Variants in ARHGAP15 observed in about 807,000 individuals in gnomAD.
The protein encoded by ARHGAP15 is Rho GTPase activating protein 15, also known as rho GTPase-activating protein 15.
Under a neutral mutation model 63.7 loss-of-function variants are expected in ARHGAP15, and 51 were observed. The observed-to-expected ratio is 0.80, with a 90% CI of 0.64 to 1.01. The LOEUF (loss-of-function observed/expected upper bound fraction) is 1.01, where lower values mean the gene tolerates loss of function less well. Among genes scored for constraint, ARHGAP15 ranks in the 50% least tolerant of loss-of-function variants. The pLI is 0.00. For missense variants in ARHGAP15, 560 were observed against 564.6 expected, an observed-to-expected ratio of 0.99 and a Z score of 0.08; for synonymous variants, 191 against 193.8, an observed-to-expected ratio of 0.99 and a Z score of 0.12.
intron 6 of ARHGAP15, among the ~76,000 whole-genome samples, chr2:143,332,818 C>T (rs1386445993): frequency 2.0e-5 from 3 of 152,070 alleles, no homozygotes; most frequent in South Asian, 2.1e-4. Context: ...ACCCAAACTT[C>T]AGGCAATGAT....
intron 2 of ARHGAP15, among the ~76,000 whole-genome samples, chr2:143,192,300 A>C (rs1405711823): frequency 6.6e-6 from 1 of 152,232 alleles, no homozygotes; most frequent in Non-Finnish European, 1.5e-5. Flanking sequence ...CAGATCAAGT[A>C]GTCACACATA....
chr2:143,191,683 C>T (rs1466800265), intron 2 of ARHGAP15, among the ~76,000 whole-genome samples: 1 of 152,144 alleles, frequency 6.6e-6, no homozygotes, highest in African/African-American at 2.4e-5. Context: ...TAAATCATAC[C>T]ACAGCAATCA....
intron 7 of ARHGAP15, among the ~76,000 whole-genome samples, chr2:143,436,506 C>A (rs921124306): frequency 6.6e-6 from 1 of 152,130 alleles, no homozygotes; most frequent in Non-Finnish European, 1.5e-5. Flanking sequence ...CACATACATA[C>A]ATACACACAG....
intron 11 of ARHGAP15, among the ~76,000 whole-genome samples, chr2:143,576,782 A>G (rs577685629): frequency 8.5e-5 from 13 of 152,206 alleles, no homozygotes; most frequent in African/African-American, 2.9e-4. Context: ...TTTTTCACCC[A>G]CTGACTAAAT....
At chr2:143,143,197 T>G (rs1472692209) in intron 1 of ARHGAP15, among the ~76,000 whole-genome samples, 1 of 152,046 alleles carries the variant, frequency 6.6e-6, no homozygotes, top group East Asian at 1.9e-4. Flanking sequence ...TAAACTTGTT[T>G]AAGTGGAGTA....
intron 2 of ARHGAP15, among the ~76,000 whole-genome samples, chr2:143,186,396 A>C (rs1691450107): frequency 6.6e-6 from 1 of 152,118 alleles, no homozygotes; most frequent in Non-Finnish European, 1.5e-5. Flanking sequence ...GGGGGAAAAG[A>C]GTTAGTATTA....
intron 13 of ARHGAP15, among the ~76,000 whole-genome samples, chr2:143,750,152 GT>G (rs1686315961): frequency 6.6e-6 from 1 of 152,200 alleles, no homozygotes; most frequent in South Asian, 2.1e-4. Context: ...AAAAATTAAT[GT>G]TTCTGGCTGG....
At chr2:143,730,532 A>G (rs1411045267) in intron 13 of ARHGAP15, among the ~76,000 whole-genome samples, 1 of 152,174 alleles carries the variant, frequency 6.6e-6, no homozygotes, top group Non-Finnish European at 1.5e-5. Context: ...GTGTCTTCTG[A>G]AAATGAGTGA....
chr2:143,410,764 G>A (rs1688406834), intron 6 of ARHGAP15, among the ~76,000 whole-genome samples: 1 of 150,240 alleles, frequency 6.7e-6, no homozygotes, highest in African/African-American at 2.4e-5. Context: ...GGTGGCCAGA[G>A]AAGGCCTCAG....
chr2:143,403,242 G>T (rs1034740750), intron 6 of ARHGAP15, among the ~76,000 whole-genome samples: 17 of 151,322 alleles, frequency 1.1e-4, no homozygotes, highest in Admixed American at 2.0e-4. Context: ...AAGACCGTTT[G>T]ATTTCTAGTC....
chr2:143,302,948 G>C (rs1416952138), intron 6 of ARHGAP15, among the ~76,000 whole-genome samples: 1 of 151,992 alleles, frequency 6.6e-6, no homozygotes, highest in Non-Finnish European at 1.5e-5. Context: ...ACATTCACAG[G>C]CTACTAGAAT....
intron 6 of ARHGAP15, among the ~76,000 whole-genome samples, chr2:143,276,997 T>G (rs1034211906): frequency 6.6e-5 from 10 of 152,138 alleles, no homozygotes; most frequent in South Asian, 2.1e-4. Flanking sequence ...CACCACACCA[T>G]CTTATCATCT....
chr2:143,581,284 C>T (rs1696892970), intron 11 of ARHGAP15, among the ~76,000 whole-genome samples: 1 of 152,050 alleles, frequency 6.6e-6, no homozygotes, highest in South Asian at 2.1e-4. Context: ...GAACTGGGCT[C>T]ATTGTGGCAA....
chr2:143,164,566 T>C (rs1690425942), intron 2 of ARHGAP15, among the ~76,000 whole-genome samples: 1 of 151,998 alleles, frequency 6.6e-6, no homozygotes, highest in South Asian at 2.1e-4. Context: ...GTCAAGCAGA[T>C]TTATGGATGT....
chr2:143,317,254 G>T (rs1320998193), intron 6 of ARHGAP15, among the ~76,000 whole-genome samples: 1 of 152,166 alleles, frequency 6.6e-6, no homozygotes, highest in Admixed American at 6.5e-5. Flanking sequence ...AATAATTTAT[G>T]AGTGAATGTT....
At position 143,722,073 on chromosome 2, in the gene ARHGAP15, A is replaced by T. The variant is rs1236408421; in HGVS notation, c.1244+18549A>T. Among the ~76,000 whole-genome samples, 8 of 152,124 alleles carry T rather than the reference A, an allele frequency of 5.3e-5. No homozygotes were observed. In the East Asian group the frequency reaches 1.5e-3, roughly 29 times the overall value. On this transcript the variant is annotated intron_variant, in intron 13 of 13. Transcript: ENST00000295095. ...AAAAACTTAATTGTTGGTTAGATTA[A>T]TTTGTATTCTTTAGTTATTTCCTCA...
rs528609743 is a variant in ARHGAP15, at chr2:143,501,482, C to T, written c.826+13987C>T. Reference sequence around the variant, plus strand: ...CCTGTTTTAGTTATAAATCTGTTCACATAATTACCAGTTGAAGAAGATATC... The same window carrying T: ...CCTGTTTTAGTTATAAATCTGTTCATATAATTACCAGTTGAAGAAGATATC... On this transcript the variant is annotated intron_variant, in intron 9 of 13. Coordinates refer to ENST00000295095, the MANE Select transcript of ARHGAP15 (RefSeq NM_018460.4). Among the ~76,000 whole-genome samples, 3 of 152,282 alleles carry T rather than the reference C, an allele frequency of 2.0e-5. No homozygotes were observed. In the East Asian group the frequency reaches 5.8e-4, roughly 29 times the overall value.
At chr2:143,160,824 C>T (rs938704893) in intron 2 of ARHGAP15, among the ~76,000 whole-genome samples, 1 of 151,944 alleles carries the variant, frequency 6.6e-6, no homozygotes, top group Non-Finnish European at 1.5e-5. Context: ...TTACCAAGCA[C>T]AAATTGGACT....
At chr2:143,747,351 A>G (rs1347221769) in intron 13 of ARHGAP15, among the ~76,000 whole-genome samples, 2 of 152,126 alleles carry the variant, frequency 1.3e-5, no homozygotes, top group African/African-American at 4.8e-5. Flanking sequence ...GGTGTGGTAT[A>G]TTTGTTGTAA....
Sources: gnomAD v4.1 joint callset for allele counts (sites outside exome capture counted in the v4.1 genomes callset) on GRCh38, gnomAD v4.1.1 for gene constraint, MANE v1.5 for transcripts, NCBI Gene and HGNC (gene_info 2026-07-23, HGNC 2026-07-21) for gene names.